Variants in LRRC37A2 observed in about 807,000 individuals in gnomAD.
LRRC37A2 encodes the protein leucine-rich repeat-containing protein 37A2.
Under a neutral mutation model 68.8 loss-of-function variants are expected in LRRC37A2, and 9 were observed. That is an observed-to-expected ratio of 0.13 (90% CI 0.08 to 0.23). The LOEUF is 0.23. Among genes scored for constraint, LRRC37A2 ranks in the 10% least tolerant of loss-of-function variants. LRRC37A2 has a pLI of 1.00. For synonymous variants in LRRC37A2, 63 were observed against 367.6 expected (o/e 0.17, Z 9.48); for missense variants, 168 against 950.4 (o/e 0.18, Z 10.82).
the LRRC37A2 span, among the ~76,000 whole-genome samples, chr17:46,961,708 G>A: frequency 3.3e-5 from 5 of 152,140 alleles, no homozygotes; most frequent in South Asian, 4.2e-4. Context: ...AAAATATAAC[G>A]ACATAGAAAA....
At chr17:47,023,616 T>C in the LRRC37A2 span, among the ~76,000 whole-genome samples, 2 of 152,032 alleles carry the variant, frequency 1.3e-5, no homozygotes, top group Non-Finnish European at 2.9e-5. Flanking sequence ...TTTTTTCAGA[T>C]GGAATTTTGT....
At chr17:46,930,959 C>T in the LRRC37A2 span, 1 of 658,986 alleles carries the variant, frequency 1.5e-6, no homozygotes, top group Non-Finnish European at 2.7e-6. Context: ...TTCTGTTATT[C>T]ATTAGTGTAT....
At chr17:46,861,132 C>A in the LRRC37A2 span, among the ~76,000 whole-genome samples, 2 of 152,256 alleles carry the variant, frequency 1.3e-5, no homozygotes, top group Non-Finnish European at 2.9e-5. Context: ...GGAGGCCTGT[C>A]CCCTTAGGGC....
chr17:46,930,048 T>TC, the LRRC37A2 span: 1 of 29,650 alleles, frequency 3.4e-5, no homozygotes, highest in Non-Finnish European at 1.0e-4. Context: ...TTTTTTTTCA[T>TC]TTTTTTTTTT....
At chr17:46,819,865 TG>T in the LRRC37A2 span, among the ~76,000 whole-genome samples, 4 of 152,194 alleles carry the variant, frequency 2.6e-5, no homozygotes, top group Admixed American at 2.6e-4. This position sits in a 1 kb window ranked among gnomAD's most constrained non-coding sequence, Gnocchi z 5.3. Flanking sequence ...GGTCAGGTTT[TG>T]GGGACTCACG....
the LRRC37A2 span, among the ~76,000 whole-genome samples, chr17:46,852,807 C>G: frequency 6.6e-6 from 1 of 152,234 alleles, no homozygotes; most frequent in South Asian, 2.1e-4. Flanking sequence ...CTGCTAGAGG[C>G]TGCTTTGAAG....
chr17:46,583,302 A>AT, the LRRC37A2 span, among the ~76,000 whole-genome samples: 2 of 73,178 alleles, frequency 2.7e-5, 1 homozygote, highest in Non-Finnish European at 7.4e-5. Flanking sequence ...TTATTTATTT[A>AT]TTTTTATTTT....
the LRRC37A2 span, chr17:46,935,903 T>C: frequency 3.0e-6 from 3 of 985,750 alleles, no homozygotes; most frequent in African/African-American, 1.7e-5. Context: ...GTTATCAGGG[T>C]GTGGTCCCCT....
At chr17:46,935,383 G>T in the LRRC37A2 span, 1 of 1,440,826 alleles carries the variant, frequency 6.9e-7, no homozygotes, top group East Asian at 2.5e-5. Flanking sequence ...AACAAACCAT[G>T]AAGTGGCCTC....
the LRRC37A2 span, among the ~76,000 whole-genome samples, chr17:46,858,787 C>G: frequency 6.6e-6 from 1 of 152,130 alleles, no homozygotes; most frequent in Non-Finnish European, 1.5e-5. Flanking sequence ...CTGCCTTAGC[C>G]TCCTGAGTAG....
At chr17:47,035,645 T>TA in the LRRC37A2 span, among the ~76,000 whole-genome samples, 1 of 152,066 alleles carries the variant, frequency 6.6e-6, no homozygotes, top group Non-Finnish European at 1.5e-5. Flanking sequence ...CTACTTTTTG[T>TA]GTGGACATGT....
At chr17:46,978,838 G>A in the LRRC37A2 span, 5 of 1,603,726 alleles carry the variant, frequency 3.1e-6, no homozygotes, top group East Asian at 1.1e-4. Flanking sequence ...GCGCTCGTCG[G>A]GCGCCAGCCC....
chr17:46,549,029 C>T (rs1598519486), exon 10 of LRRC37A2: 1 of 1,612,248 alleles, frequency 6.2e-7, no homozygotes, highest in Non-Finnish European at 8.5e-7. Flanking sequence ...ACGTCTAAAC[C>T]AATCGTACAT....
the LRRC37A2 span, among the ~76,000 whole-genome samples, chr17:47,028,115 T>TAAA: frequency 9.2e-5 from 14 of 152,364 alleles, no homozygotes; most frequent in Middle Eastern, 3.4e-3. Context: ...TGTGCAGTGT[T>TAAA]AAAGTATAAA....
At chr17:46,971,893 G>A in the LRRC37A2 span, among the ~76,000 whole-genome samples, 5 of 152,194 alleles carry the variant, frequency 3.3e-5, no homozygotes, top group Admixed American at 2.0e-4. Flanking sequence ...CTCCCTCCCC[G>A]GCAAGGGGGA....
At chr17:46,943,304 G>A in the LRRC37A2 span, among the ~76,000 whole-genome samples, 1 of 152,192 alleles carries the variant, frequency 6.6e-6, no homozygotes, top group Non-Finnish European at 1.5e-5. Flanking sequence ...TCTCTGCTGA[G>A]TAAAGCACCT....
the LRRC37A2 span, among the ~76,000 whole-genome samples, chr17:46,760,344 A>T: frequency 6.6e-6 from 1 of 152,122 alleles, no homozygotes; most frequent in Non-Finnish European, 1.5e-5. Context: ...ATTGATTGAA[A>T]AAGTACTGGC....
the LRRC37A2 span, among the ~76,000 whole-genome samples, chr17:47,012,272 C>T: frequency 6.6e-6 from 1 of 151,842 alleles, no homozygotes; most frequent in African/African-American, 2.4e-5. Context: ...TAATCTGTTA[C>T]TATCATCTAT....
chr17:46,813,434 G>A, the LRRC37A2 span, among the ~76,000 whole-genome samples: 17 of 141,136 alleles, frequency 1.2e-4, no homozygotes, highest in Non-Finnish European at 2.5e-4. Flanking sequence ...TAACATGGAT[G>A]TACAGATGTA....
Sources: allele counts gnomAD v4.1 joint callset (sites outside exome capture counted in the v4.1 genomes callset), GRCh38; gene constraint gnomAD v4.1.1; non-coding constraint Gnocchi (gnomAD v3.1); transcripts MANE v1.5; gene names NCBI Gene and HGNC (gene_info 2026-07-23, HGNC 2026-07-21).